GNAQ: variants seen among roughly 807,000 people sequenced by gnomAD.
GNAQ encodes guanine nucleotide-binding protein G(q) subunit alpha.
A neutral mutation model predicts 43.9 loss-of-function variants in GNAQ; 8 were observed. That is an observed-to-expected ratio of 0.18 (90% CI 0.11 to 0.33). The LOEUF (loss-of-function observed/expected upper bound fraction) is 0.33. GNAQ is among the 10% of genes least tolerant of loss of function. The pLI, the probability that GNAQ is intolerant of heterozygous loss-of-function variation, is 1.00. For missense variants in GNAQ, 158 were observed against 450.8 expected, an observed-to-expected ratio of 0.35 and a Z score of 5.88; for synonymous variants, 155 against 170.7, an observed-to-expected ratio of 0.91 and a Z score of 0.71.
At chr9:77,959,400 T>C (rs968654829) in intron 1 of GNAQ, among the ~76,000 whole-genome samples, 2 of 152,230 alleles carry the variant, frequency 1.3e-5, no homozygotes, top group Non-Finnish European at 2.9e-5. Flanking sequence ...TACTTACAGA[T>C]AATGTGAAAT....
rs541676373 is a variant in GNAQ, at chr9:77,728,672, A to G, written c.736-5T>C. 4.9e-5 allele frequency: 38 copies of G among 782,618 alleles called. No individual in the cohort carries two copies. The African/African-American group carries it at 7.1e-4, about 15-fold the overall frequency. 48.5% of individuals were successfully genotyped at this position (782,618 alleles called of 1,614,324 possible). A position where few individuals can be genotyped will look rare whatever the true frequency, so the allele number is the denominator to read the frequency against. On this transcript the variant is annotated splice_polypyrimidine_tract_variant and splice_region_variant and intron_variant, in intron 5 of 6. Transcript: ENST00000286548. ...CTTGCTTTCCTCCATTCGGTTCTGG[A>G]AAAAAAAAAAAAATCAGAAAAAACA...
intron 1 of GNAQ, among the ~76,000 whole-genome samples, chr9:77,993,305 T>A (rs1823531491): frequency 6.6e-6 from 1 of 152,180 alleles, no homozygotes; most frequent in Non-Finnish European, 1.5e-5. Flanking sequence ...TATCAGATAT[T>A]TCAGCATTTG....
At chr9:77,759,388 T>C (rs555420255) in intron 5 of GNAQ, among the ~76,000 whole-genome samples, 29 of 150,508 alleles carry the variant, frequency 1.9e-4, no homozygotes, top group African/African-American at 5.4e-4. Context: ...CTAAATTCAA[T>C]CATATCAAAA....
chr9:77,927,809 C>A lies in GNAQ; in HGVS notation c.137-5464G>T, dbSNP rs1829091487. On this transcript the variant is annotated intron_variant, in intron 1 of 6. Transcript: ENST00000286548. ...ACTATCAGAAGTCTAATCTGAAGAT[C>A]TTAATGAATGGGAAGGCTCAGGACG... is the stretch of plus-strand genomic sequence containing the variant. Among the ~76,000 whole-genome samples the A allele has an allele frequency of 2.6e-5, 4 of 152,156 alleles. No homozygotes were observed. In the South Asian group the frequency reaches 8.3e-4, roughly 32 times the overall value.
At chr9:77,995,038 G>A (rs2118533853) in intron 1 of GNAQ, among the ~76,000 whole-genome samples, 3 of 152,326 alleles carry the variant, frequency 2.0e-5, no homozygotes, top group Admixed American at 2.0e-4. Context: ...TATGGGCTAT[G>A]TGTGCTATAG....
intron 1 of GNAQ, among the ~76,000 whole-genome samples, chr9:77,934,748 AC>A (rs1829207066): frequency 2.6e-5 from 4 of 152,238 alleles, no homozygotes; most frequent in Non-Finnish European, 5.9e-5. Context: ...AACAAAAGTT[AC>A]TGAATCTGCA....
At chr9:77,772,532 G>A (rs567656393) in intron 5 of GNAQ, among the ~76,000 whole-genome samples, 1 of 152,142 alleles carries the variant, frequency 6.6e-6, no homozygotes, top group Non-Finnish European at 1.5e-5. Context: ...CCATTTTGGA[G>A]TGGAATAGAA....
chr9:77,794,968 C>T (rs958951490), intron 4 of GNAQ, among the ~76,000 whole-genome samples: 2 of 152,080 alleles, frequency 1.3e-5, no homozygotes, highest in Admixed American at 1.3e-4. Flanking sequence ...GTTTCTTTTC[C>T]TATAAAATCG....
At chr9:77,725,579 TAAAAAAAAAAAAAA>T (rs55766160) in intron 6 of GNAQ, among the ~76,000 whole-genome samples, 1 of 57,160 alleles carries the variant, frequency 1.7e-5, no homozygotes. Context: ...AAGGTAACAG[TAAAAAAAAAAAAAA>T]AAAAAAAAAA....
intron 3 of GNAQ, among the ~76,000 whole-genome samples, chr9:77,809,128 A>G (rs554638849): frequency 6.6e-6 from 1 of 152,316 alleles, no homozygotes; most frequent in South Asian, 2.1e-4. Context: ...AAAAAATGTA[A>G]GCATGCGTTT....
chr9:77,939,391 A>G (rs1829282506), intron 1 of GNAQ, among the ~76,000 whole-genome samples: 1 of 152,146 alleles, frequency 6.6e-6, no homozygotes, highest in African/African-American at 2.4e-5. Flanking sequence ...GTTTACTCAA[A>G]CCTCACTAGG....
chr9:77,874,109 A>AAAAAAAAAAC (rs1454601850), intron 2 of GNAQ, among the ~76,000 whole-genome samples: 5 of 148,088 alleles, frequency 3.4e-5, no homozygotes, highest in Admixed American at 2.1e-4. Flanking sequence ...CATCTCAAAA[A>AAAAAAAAAAC]AAAAAAACAA....
chr9:77,716,770 TG>T lies in GNAQ; in HGVS notation c.*4552del. 4.3e-6 allele frequency: 1 copy of T among 232,932 alleles called. No homozygotes were observed. The highest frequency in any genetic ancestry group is 1.8e-4 in the South Asian group (1 of 5,522). 14.4% of individuals were successfully genotyped at this position (232,932 alleles called of 1,614,324 possible). On this transcript the variant is annotated 3_prime_UTR_variant, in exon 7 of 7. Coordinates refer to ENST00000286548, the MANE Select transcript of GNAQ (RefSeq NM_002072.5). ...AACATGTAAATGTCATTTGCTATAT[TG>T]GGTTGGAATCATACGGGGAAATGGA... is the stretch of plus-strand genomic sequence containing the variant.
chr9:78,025,627 A>G (rs1823968505), intron 1 of GNAQ, among the ~76,000 whole-genome samples: 1 of 152,180 alleles, frequency 6.6e-6, no homozygotes, highest in South Asian at 2.1e-4. Flanking sequence ...CCTCAACCCA[A>G]TACAGAGGAA....
chr9:77,952,675 T>C (rs1444850241), intron 1 of GNAQ, among the ~76,000 whole-genome samples: 2 of 152,242 alleles, frequency 1.3e-5, no homozygotes, highest in Admixed American at 1.3e-4. Flanking sequence ...TAGGCATTTA[T>C]CTAGCATCTT....
At chr9:77,784,352 T>G (rs1240674992) in intron 5 of GNAQ, among the ~76,000 whole-genome samples, 4 of 152,188 alleles carry the variant, frequency 2.6e-5, no homozygotes, top group Admixed American at 2.6e-4. Context: ...TATTTCAATT[T>G]TCCCCAGAAT....
At chr9:77,897,574 G>C (rs1046651903) in intron 2 of GNAQ, among the ~76,000 whole-genome samples, 51 of 152,330 alleles carry the variant, frequency 3.3e-4, no homozygotes, top group Middle Eastern at 3.4e-3. Context: ...TTCAGCACTG[G>C]GCTCCTGCCA....
At chr9:77,726,043 G>A (rs961331874) in intron 6 of GNAQ, among the ~76,000 whole-genome samples, 11 of 152,076 alleles carry the variant, frequency 7.2e-5, no homozygotes, top group Admixed American at 3.9e-4. Flanking sequence ...GCAGGCAAGC[G>A]TGTTTAGATC....
chr9:77,815,239 A>C (rs1424407777), intron 3 of GNAQ, among the ~76,000 whole-genome samples: 1 of 152,192 alleles, frequency 6.6e-6, no homozygotes, highest in Non-Finnish European at 1.5e-5. Flanking sequence ...GGTGTTTTCT[A>C]GCACATGAAT....
Sources: gnomAD v4.1 joint callset for allele counts (sites outside exome capture counted in the v4.1 genomes callset) on GRCh38, gnomAD v4.1.1 for gene constraint, MANE v1.5 for transcripts, NCBI Gene and HGNC (gene_info 2026-07-23, HGNC 2026-07-21) for gene names.